Variants in ARPC1A observed in about 807,000 individuals in gnomAD.
ARPC1A encodes the protein actin related protein 2/3 complex subunit 1A.
ARPC1A carries 8 observed loss-of-function variants against 46.9 expected under a neutral mutation model. The ratio of observed to expected loss-of-function variants is 0.17; its 90% confidence interval spans 0.10 to 0.31. The LOEUF (loss-of-function observed/expected upper bound fraction) is 0.31, where lower values mean the gene tolerates loss of function less well. ARPC1A is among the 10% of genes least tolerant of loss of function. The pLI is 1.00. For missense variants in ARPC1A, 286 were observed against 483.6 expected (o/e 0.59, Z 3.83); for synonymous variants, 152 against 169.0 (o/e 0.90, Z 0.78).
chr7:99,343,150 A>T (rs1316830504), intron 3 of ARPC1A, among the ~76,000 whole-genome samples: 1 of 152,106 alleles, frequency 6.6e-6, no homozygotes, highest in Non-Finnish European at 1.5e-5. Flanking sequence ...GTACTTTTTA[A>T]TGTGAAATTA....
In ARPC1A at chr7:99,345,432, C is replaced by T. The variant is rs141313085; in HGVS notation, c.392+917C>T. Among the ~76,000 whole-genome samples the T allele has an allele frequency of 5.0e-3, 758 of 152,236 alleles. 6 individuals carry two copies. The highest frequency in any genetic ancestry group is 0.018 in the African/African-American group (732 of 41,556). ...CAAAACTTATTTTAACTACTCCTTC[C>T]TGTTTGTTTTGATAAGGAAACAATT... On this transcript the variant is annotated intron_variant, in intron 4 of 9. Coordinates refer to ENST00000262942, the MANE Select transcript of ARPC1A (RefSeq NM_006409.4).
intron 3 of ARPC1A, 140 bp from the exon 4 acceptor site, chr7:99,344,153 A>G: frequency 4.2e-6 from 3 of 720,128 alleles, no homozygotes; most frequent in East Asian, 2.7e-5. Flanking sequence ...TGATCAGGAC[A>G]TAGATAGTGG....
At chr7:99,359,145 G>A (rs1005584879) in intron 7 of ARPC1A, among the ~76,000 whole-genome samples, 3 of 148,062 alleles carry the variant, frequency 2.0e-5, no homozygotes, top group Non-Finnish European at 4.5e-5. Context: ...ACTTTTAAGA[G>A]TAAGAGGGGG....
At chr7:99,340,449 CT>C (rs1013692096) in intron 3 of ARPC1A, among the ~76,000 whole-genome samples, 1 of 96,614 alleles carries the variant, frequency 1.0e-5, no homozygotes, top group African/African-American at 4.2e-5. Flanking sequence ...AGGTGTGACC[CT>C]TTTTTTTCTT....
intron 2 of ARPC1A, among the ~76,000 whole-genome samples, chr7:99,333,651 A>C (rs1793186551): frequency 6.6e-6 from 1 of 152,188 alleles, no homozygotes; most frequent in African/African-American, 2.4e-5. Flanking sequence ...TAGTCAGAGC[A>C]CTAGGACCTA....
At chr7:99,341,662 C>T (rs1213710519) in intron 3 of ARPC1A, among the ~76,000 whole-genome samples, 2 of 148,966 alleles carry the variant, frequency 1.3e-5, no homozygotes, top group Non-Finnish European at 3.0e-5. Flanking sequence ...AAAGGAAATA[C>T]TTTTAAATGA....
chr7:99,364,019 A>G (rs953195406), intron 9 of ARPC1A, among the ~76,000 whole-genome samples: 1 of 152,114 alleles, frequency 6.6e-6, no homozygotes, highest in African/African-American at 2.4e-5. Flanking sequence ...CAGCGGTGCA[A>G]TATTGGCTCA....
intron 5 of ARPC1A, among the ~76,000 whole-genome samples, chr7:99,353,283 G>A (rs112296818): frequency 7.4e-5 from 11 of 149,294 alleles, no homozygotes; most frequent in South Asian, 2.1e-4. Context: ...CTCAGCCTCC[G>A]GAGTAGCTGG....
intron 9 of ARPC1A, among the ~76,000 whole-genome samples, chr7:99,365,117 G>A (rs1013644554): frequency 1.3e-5 from 2 of 152,174 alleles, no homozygotes; most frequent in Non-Finnish European, 1.5e-5. Context: ...GGCGCTGCCC[G>A]TGCTGTGGTC....
chr7:99,363,732 T>A, intron 9 of ARPC1A, 99 bp downstream of exon 9: 2 of 875,480 alleles, frequency 2.3e-6, no homozygotes, highest in Non-Finnish European at 3.4e-6. Context: ...TTGGAGTAAG[T>A]GGCACAATCA....
rs1423708619 is a variant in ARPC1A at position 99,365,939 on chromosome 7, A to T, written c.*10A>T. The T allele has an allele frequency of 6.4e-7, 1 of 1,568,228 alleles. No individual in the cohort carries two copies. ...CCTCCGGATAATGTGAAGCTGAGTG[A>T]GCCTCCGCCATCCAGCATGACAAAC... is the stretch of plus-strand genomic sequence containing the variant. On this transcript the variant is annotated 3_prime_UTR_variant, in exon 10 of 10. Coordinates refer to ENST00000262942, the MANE Select transcript of ARPC1A (RefSeq NM_006409.4).
At chr7:99,359,921 GA>G (rs1373948786) in intron 8 of ARPC1A, 183 bp downstream of exon 8, 3 of 708,748 alleles carry the variant, frequency 4.2e-6, no homozygotes, top group African/African-American at 3.6e-5. Flanking sequence ...TCGTGGTAGG[GA>G]GGGAGTCGCC....
At chr7:99,328,501 A>G (rs2150856115) in intron 1 of ARPC1A, among the ~76,000 whole-genome samples, 1 of 152,338 alleles carries the variant, frequency 6.6e-6, no homozygotes, top group South Asian at 2.1e-4. Flanking sequence ...TATCCACTTT[A>G]CAGAAGAAAA....
intron 6 of ARPC1A, 68 bp from the exon 7 acceptor site, chr7:99,358,272 A>G: frequency 1.3e-6 from 2 of 1,500,984 alleles, no homozygotes; most frequent in Non-Finnish European, 1.9e-6. Context: ...GTCCTTTGTG[A>G]TCATCTGTGT....
intron 5 of ARPC1A, among the ~76,000 whole-genome samples, chr7:99,352,970 A>AAT (rs35059598): frequency 0.12 from 18,021 of 150,324 alleles, 2,900 homozygotes; most frequent in African/African-American, 0.37. Flanking sequence ...GTCCCCCAAA[A>AAT]ATATATATAT....
At chr7:99,357,543 TGATCTCAAACTCCTGCCTCCAGC>T in intron 6 of ARPC1A, among the ~76,000 whole-genome samples, 1 of 151,766 alleles carries the variant, frequency 6.6e-6, no homozygotes, top group Non-Finnish European at 1.5e-5. Context: ...TTGTCCAGGC[TGATCTCAAACTCCTGCCTCCAGC>T]AATCCTTCCA....
At chr7:99,329,411 T>TTAAA (rs545041334) in intron 1 of ARPC1A, among the ~76,000 whole-genome samples, 166 of 152,350 alleles carry the variant, frequency 1.1e-3, no homozygotes, top group African/African-American at 3.0e-3. Flanking sequence ...CAGATTTCAC[T>TTAAA]TAAACATTAA....
chr7:99,348,767 A>T, intron 4 of ARPC1A, 85 bp from the exon 5 acceptor site: 1 of 899,232 alleles, frequency 1.1e-6, no homozygotes, highest in South Asian at 1.8e-5. Context: ...TGGCCTACTT[A>T]GGTATTTTCA....
chr7:99,359,025 G>C (rs1425435290), intron 7 of ARPC1A, among the ~76,000 whole-genome samples: 1 of 149,798 alleles, frequency 6.7e-6, no homozygotes, highest in Non-Finnish European at 1.5e-5. Flanking sequence ...TAGAGATGGG[G>C]TTTCACCATG....
Sources: gnomAD v4.1 joint callset for allele counts (sites outside exome capture counted in the v4.1 genomes callset) on GRCh38, gnomAD v4.1.1 for gene constraint, MANE v1.5 for transcripts, NCBI Gene and HGNC (gene_info 2026-07-23, HGNC 2026-07-21) for gene names.